MAGI2: variants seen among roughly 807,000 people sequenced by gnomAD.
MAGI2 encodes membrane associated guanylate kinase, WW and PDZ domain containing 2.
MAGI2 carries 35 observed loss-of-function variants against 133.3 expected under a neutral mutation model. The observed-to-expected ratio is 0.26, with a 90% confidence interval of 0.20 to 0.35. MAGI2 has a LOEUF of 0.35. Ranked by LOEUF, MAGI2 falls within the 10% of genes least tolerant of loss-of-function variation. The pLI is 1.00. For missense variants in MAGI2, 1,636 were observed against 1,863.4 expected (o/e 0.88, Z 2.25); for synonymous variants, 729 against 710.6 (o/e 1.03, Z -0.41).
chr7:79,374,450 ACT>A (rs1221416211), intron 1 of MAGI2, among the ~76,000 whole-genome samples: 2 of 151,810 alleles, frequency 1.3e-5, no homozygotes, highest in African/African-American at 4.8e-5. Flanking sequence ...AAGAGCCCTC[ACT>A]CTGTTTTCAA....
At chr7:79,286,007 G>C (rs1341507345) in intron 1 of MAGI2, among the ~76,000 whole-genome samples, 1 of 152,092 alleles carries the variant, frequency 6.6e-6, no homozygotes, top group African/African-American at 2.4e-5. Flanking sequence ...ATCTACTGGG[G>C]AAGATGGTCA....
rs1332008973 is a variant in MAGI2 at position 78,160,160 on chromosome 7, T to C, written c.2710A>G (p.Asn904Asp). ...GCGAAGCCTTCAGGGGGAGAGGCATTGCTACTGGGGGCAGCGTGGTTGCTG... is the reference window on the plus strand; with the variant it reads ...GCGAAGCCTTCAGGGGGAGAGGCATCGCTACTGGGGGCAGCGTGGTTGCTG... Reference protein sequence around the residue: ...TNSNHAAPSSNASPPEGFASH... With the variant: ...TNSNHAAPSSDASPPEGFASH... The change falls in exon 16 of 22, where the codon AAT (asparagine) becomes GAT (aspartate). Residue 904 changes from asparagine to aspartate, a missense_variant. Transcript: ENST00000354212. 6.2e-7 allele frequency: 1 copy of C among 1,612,854 alleles called. No individual in the cohort carries two copies. The highest frequency in any genetic ancestry group is 2.2e-5 in the East Asian group (1 of 44,868).
intron 1 of MAGI2, among the ~76,000 whole-genome samples, chr7:79,228,991 G>A (rs1831121993): frequency 6.6e-6 from 1 of 152,070 alleles, no homozygotes; most frequent in Non-Finnish European, 1.5e-5. Context: ...ATTAGCCCAT[G>A]TGGATTAAAA....
chr7:78,219,944 G>A (rs969426586), intron 10 of MAGI2, among the ~76,000 whole-genome samples: 1 of 152,040 alleles, frequency 6.6e-6, no homozygotes, highest in Non-Finnish European at 1.5e-5. Flanking sequence ...TTCCATTGCT[G>A]CTAGAGGAAT....
intron 1 of MAGI2, among the ~76,000 whole-genome samples, chr7:79,408,862 G>C (rs1845974380): frequency 6.6e-6 from 1 of 152,114 alleles, no homozygotes; most frequent in Non-Finnish European, 1.5e-5. Context: ...GAATTCTAAA[G>C]ATGTGAATTC....
At chr7:78,095,038 C>G (rs1017170064) in intron 20 of MAGI2, among the ~76,000 whole-genome samples, 1 of 152,116 alleles carries the variant, frequency 6.6e-6, no homozygotes, top group Non-Finnish European at 1.5e-5. Context: ...TCAAGAGTTG[C>G]TGGTGGCAAG....
chr7:78,707,322 T>G (rs1250314594), intron 2 of MAGI2, among the ~76,000 whole-genome samples: 1 of 152,160 alleles, frequency 6.6e-6, no homozygotes, highest in Admixed American at 6.6e-5. Context: ...TAACATTTAA[T>G]TGGTGATGTG....
At chr7:79,310,546 G>A (rs926688163) in intron 1 of MAGI2, among the ~76,000 whole-genome samples, 1 of 152,060 alleles carries the variant, frequency 6.6e-6, no homozygotes, top group Non-Finnish European at 1.5e-5. Flanking sequence ...AGCCTAAGAA[G>A]GGTAATAAAC....
intron 9 of MAGI2, among the ~76,000 whole-genome samples, chr7:78,261,629 T>C (rs1793526679): frequency 6.6e-6 from 1 of 152,110 alleles, no homozygotes; most frequent in Non-Finnish European, 1.5e-5. Context: ...ACCTCCAGTT[T>C]AGTGTTTCTA....
intron 2 of MAGI2, among the ~76,000 whole-genome samples, chr7:78,867,235 G>GCA (rs1381035398): frequency 6.6e-6 from 1 of 151,356 alleles, no homozygotes; most frequent in African/African-American, 2.4e-5. Context: ...AAAGACACAT[G>GCA]CACACGTATG....
intron 2 of MAGI2, among the ~76,000 whole-genome samples, chr7:78,835,787 T>G (rs529642512): frequency 6.6e-5 from 10 of 152,324 alleles, no homozygotes; most frequent in African/African-American, 2.4e-4. Flanking sequence ...TATGGTTCCA[T>G]TTTATTTATG....
At chr7:78,739,172 C>T (rs974334633) in intron 2 of MAGI2, among the ~76,000 whole-genome samples, 2 of 152,054 alleles carry the variant, frequency 1.3e-5, no homozygotes, top group Non-Finnish European at 2.9e-5. Context: ...TTATAATCAA[C>T]AAAACAGAGA....
chr7:78,768,279 A>G (rs1378598929), intron 2 of MAGI2, among the ~76,000 whole-genome samples: 6 of 152,196 alleles, frequency 3.9e-5, no homozygotes, highest in Non-Finnish European at 7.3e-5. Flanking sequence ...TTTGAGATCC[A>G]TGTTTTCATT....
At chr7:78,162,244 G>T (rs1168635657) in intron 15 of MAGI2, among the ~76,000 whole-genome samples, 1 of 151,976 alleles carries the variant, frequency 6.6e-6, no homozygotes. Context: ...CAGCAAGAAA[G>T]AAGAAGCGCG....
rs1842772459 is a variant in MAGI2, at chr7:79,367,443, G to C, written c.301+85577C>G. On this transcript the variant is annotated intron_variant, in intron 1 of 21. Coordinates refer to ENST00000354212, the MANE Select transcript of MAGI2 (RefSeq NM_012301.4). ...AGGGTGGAAGGAACAGAGCTGATCA[G>C]GCAATGCAGCAGAGAGTTAAAGCAC... Among the ~76,000 whole-genome samples, 3 of 152,260 alleles carry C rather than the reference G, an allele frequency of 2.0e-5. No individual in the cohort carries two copies. In the South Asian group the frequency reaches 6.2e-4, roughly 32 times the overall value.
intron 2 of MAGI2, among the ~76,000 whole-genome samples, chr7:78,777,236 T>C (rs1430630112): frequency 2.0e-5 from 3 of 152,186 alleles, no homozygotes; most frequent in African/African-American, 7.2e-5. Flanking sequence ...AAGTATATGT[T>C]TTAAGAAAAG....
intron 1 of MAGI2, among the ~76,000 whole-genome samples, chr7:79,325,964 C>T (rs1156592201): frequency 6.6e-6 from 1 of 152,124 alleles, no homozygotes; most frequent in Non-Finnish European, 1.5e-5. Flanking sequence ...TGCACTTCAA[C>T]TCGTGAACAT....
intron 16 of MAGI2, among the ~76,000 whole-genome samples, chr7:78,154,132 T>G (rs1824156531): frequency 6.6e-6 from 1 of 152,222 alleles, no homozygotes; most frequent in Admixed American, 6.5e-5. Context: ...TAAAATGTCA[T>G]AAAAGACCTG....
intron 3 of MAGI2, among the ~76,000 whole-genome samples, chr7:78,552,928 C>G (rs186306445): frequency 0.027 from 4,012 of 151,106 alleles, 70 homozygotes; most frequent in South Asian, 0.039. Flanking sequence ...AACAAATTGC[C>G]CCCCCAAGGT....
Sources: allele counts gnomAD v4.1 joint callset (sites outside exome capture counted in the v4.1 genomes callset), GRCh38; gene constraint gnomAD v4.1.1; transcripts MANE v1.5; gene names NCBI Gene and HGNC (gene_info 2026-07-23, HGNC 2026-07-21).